Variants in MALSU1 observed in about 807,000 individuals in gnomAD.
The protein encoded by MALSU1 is mitochondrial assembly of ribosomal large subunit protein 1.
Under a neutral mutation model 22.1 loss-of-function variants are expected in MALSU1, and 22 were observed. The observed-to-expected ratio is 1.00, with a 90% CI of 0.71 to 1.42. MALSU1 has a LOEUF of 1.42. Among genes scored for constraint, MALSU1 ranks in the 40% most tolerant of loss-of-function variants. The probability of loss-of-function intolerance (pLI) is 0.00; values close to 1 mark genes in which losing one functional copy is unlikely to be tolerated. For synonymous variants in MALSU1, 153 were observed against 118.5 expected (o/e 1.29, Z -1.89); for missense variants, 379 against 308.3 (o/e 1.23, Z -1.72).
intron 2 of MALSU1, 73 bp from the exon 3 acceptor site, chr7:23,307,795 A>C (rs75165012): frequency 0.02 from 19,143 of 944,174 alleles, 366 homozygotes; most frequent in East Asian, 0.037. Flanking sequence ...AACAAACAAA[A>C]AAAAAAGACC....
In MALSU1 at chr7:23,309,468, A is replaced by G. The variant is rs762569434; in HGVS notation, c.630A>G (p.Thr210=). ...AGTTAGCTCAGATAGCACCTGAGAC[A>G]GTACCTGAAGACTTCATTCTTGGAA... ...DDQLAQIAPE[T]VPEDFILGIE... The change falls in exon 4 of 4, where the codon ACA becomes ACG. Residue 210 remains threonine, a synonymous_variant. Transcript: ENST00000466681. The G allele has an allele frequency of 1.2e-6, 2 of 1,613,586 alleles. No individual in the cohort carries two copies. Among genetic ancestry groups the G allele is most frequent in the South Asian group, 1.1e-5 (1 of 91,012 alleles).
chr7:23,304,191 TTC>T (rs1457592161), intron 2 of MALSU1, among the ~76,000 whole-genome samples: 1 of 152,148 alleles, frequency 6.6e-6, no homozygotes, highest in Non-Finnish European at 1.5e-5. Flanking sequence ...CATATAGTGA[TTC>T]TGTTTTTAAT....
At chr7:23,308,397 G>T (rs925943214) in intron 3 of MALSU1, among the ~76,000 whole-genome samples, 2 of 152,134 alleles carry the variant, frequency 1.3e-5, no homozygotes, top group African/African-American at 4.8e-5. Context: ...ACAACTTTGG[G>T]TATTAATGTG....
chr7:23,299,544 G>A lies in MALSU1; in HGVS notation c.192G>A (p.Glu64=), dbSNP rs138427455. The A allele has an allele frequency of 8.1e-6, 13 of 1,611,886 alleles. No individual in the cohort carries two copies. The highest frequency in any genetic ancestry group is 6.7e-5 in the African/African-American group (5 of 74,862). ...TPNFVRGLHS[E]PGLEERAEGT... ...ACTTTGTCCGCGGCCTGCACAGCGAGCCTGGGCTGGAGGAGCGGGCGGAGG... is the reference window on the plus strand; with the variant it reads ...ACTTTGTCCGCGGCCTGCACAGCGAACCTGGGCTGGAGGAGCGGGCGGAGG... The change falls in exon 1 of 4, where the codon GAG becomes GAA. Residue 64 remains glutamate (E), a synonymous_variant. Transcript: ENST00000466681.
rs1783788859 is a variant in MALSU1 at position 23,310,061 on chromosome 7, T to G, written c.*518T>G. On this transcript the variant is annotated 3_prime_UTR_variant, in exon 4 of 4. Coordinates refer to ENST00000466681, the MANE Select transcript of MALSU1 (RefSeq NM_138446.2). ...GGAAAAACTCTGAACGCTCTAGTTC[T>G]TAGTTCATATGCAAGAGTATTATCA... The G allele has an allele frequency of 6.6e-6, 1 of 152,190 alleles. No individual in the cohort carries two copies. The highest frequency in any genetic ancestry group is 2.4e-5 in the African/African-American group (1 of 41,432). 9.4% of individuals were successfully genotyped at this position (152,190 alleles called of 1,614,324 possible).
In MALSU1 at chr7:23,311,258, TGTA is replaced by T. The variant is rs1230735352; in HGVS notation, c.*1718_*1720del. On this transcript the variant is annotated 3_prime_UTR_variant, in exon 4 of 4. Coordinates refer to ENST00000466681, the MANE Select transcript of MALSU1 (RefSeq NM_138446.2). ...CTATGACTGTCCCATTGGTCTGAAG[TGTA>T]GTGGCAAACTAAGCATCCTATAAGA... 3 of 152,430 alleles carry T rather than the reference TGTA, an allele frequency of 2.0e-5. No individual in the cohort carries two copies. The highest frequency in any genetic ancestry group is 2.9e-5 in the Non-Finnish European group (2 of 68,024). The allele number at this position is 152,430 out of a possible 1,614,324, so 9.4% of individuals were successfully genotyped here.
intron 2 of MALSU1, among the ~76,000 whole-genome samples, chr7:23,303,810 A>G (rs573352360): frequency 8.5e-6 from 1 of 118,212 alleles, no homozygotes; most frequent in Admixed American, 9.4e-5. Flanking sequence ...CGCTGTCTCA[A>G]AAGAAAAAAA....
At position 23,309,654 on chromosome 7, in the gene MALSU1, G is replaced by A. The variant is rs1443599512; in HGVS notation, c.*111G>A. 2 of 825,756 alleles carry A rather than the reference G, an allele frequency of 2.4e-6. No individual in the cohort carries two copies. Among genetic ancestry groups the A allele is most frequent in the African/African-American group, 1.7e-5 (1 of 57,174 alleles). 51.2% of individuals were successfully genotyped at this position (825,756 alleles called of 1,614,324 possible). On this transcript the variant is annotated 3_prime_UTR_variant, in exon 4 of 4. Transcript: ENST00000466681. ...TTAGGCTGCTCTTAGGACAAGGCTTGTGTACCTCATGGGCACTCCTGCTAA... is the reference window on the plus strand; with the variant it reads ...TTAGGCTGCTCTTAGGACAAGGCTTATGTACCTCATGGGCACTCCTGCTAA...
At chr7:23,301,042 G>A in intron 2 of MALSU1, 25 bp downstream of exon 2, 1 of 1,597,104 alleles carries the variant, frequency 6.3e-7, no homozygotes, top group South Asian at 1.1e-5. Flanking sequence ...TTTCTCTTTT[G>A]GACCATTAAC....
In MALSU1 at chr7:23,299,462, T is replaced by C; in HGVS notation, c.110T>C (p.Leu37Pro). Reference protein sequence around the residue: ...AVGAEPGLRLLAVQRLPVGAA... With the variant: ...AVGAEPGLRLPAVQRLPVGAA... ...GGAGCCGAGCCCGGGCTTCGGCTGC[T>C]GGCCGTGCAGCGGCTTCCCGTAGGA... The change falls in exon 1 of 4, where the codon CTG becomes CCG. Residue 37 changes from leucine (L) to proline (P), a missense_variant. Transcript: ENST00000466681. The C allele has an allele frequency of 6.2e-7, 1 of 1,608,978 alleles. No homozygotes were observed. Among genetic ancestry groups the C allele is most frequent in the Non-Finnish European group, 8.5e-7 (1 of 1,179,470 alleles).
At position 23,309,339 on chromosome 7, in the gene MALSU1, T is replaced by G. The variant is rs1783771495; in HGVS notation, c.518-17T>G. On this transcript the variant is annotated splice_polypyrimidine_tract_variant and intron_variant, in intron 3 of 3. Transcript: ENST00000466681. ...ATGAACTATTCCTTCATTGTATCTC[T>G]TATCTGTCCCTGACAGGCAGCATGG... The G allele has an allele frequency of 6.3e-7, 1 of 1,596,896 alleles. No individual in the cohort carries two copies. Among genetic ancestry groups the G allele is most frequent in the Non-Finnish European group, 8.5e-7 (1 of 1,173,196 alleles).
At chr7:23,308,448 A>G (rs181425908) in intron 3 of MALSU1, among the ~76,000 whole-genome samples, 1 of 152,346 alleles carries the variant, frequency 6.6e-6, no homozygotes. Context: ...TAATATTTAC[A>G]AAGGGGAAAC....
intron 1 of MALSU1, 55 bp from the exon 2 acceptor site, chr7:23,300,784 A>G: frequency 1.4e-6 from 2 of 1,465,682 alleles, no homozygotes; most frequent in Non-Finnish European, 1.9e-6. Flanking sequence ...CTCTGGGTGC[A>G]TACACGTCTA....
Position 23,307,875 on chromosome 7 carries a change from A to C in MALSU1, c.443A>C (p.His148Pro), listed in dbSNP as rs768330491. 15 of 1,613,340 alleles carry C rather than the reference A, an allele frequency of 9.3e-6. No individual in the cohort carries two copies. In the Admixed American group the frequency reaches 2.5e-4, roughly 27 times the overall value. ...MAFYVVKMYK[H>P]LKCKRDPHVK... ...CCACCTGGCTTTTTGCAGTACAAAC[A>C]CCTGAAATGTAAACGTGACCCTCAT... The change falls in exon 3 of 4, where the codon CAC becomes CCC. Residue 148 changes from histidine (H) to proline (P), a missense_variant. His to Pro is a moderately conservative substitution (Grantham distance 77). Coordinates refer to ENST00000466681, the MANE Select transcript of MALSU1 (RefSeq NM_138446.2).
In MALSU1 at chr7:23,309,399, CTA is replaced by C; in HGVS notation, c.563_564del (p.Tyr188Ter). 6.2e-7 allele frequency: 1 copy of C among 1,613,140 alleles called. No homozygotes were observed. Among genetic ancestry groups the C allele is most frequent in the Non-Finnish European group, 8.5e-7 (1 of 1,179,682 alleles). On this transcript the variant is annotated frameshift_variant, in exon 4 of 4. Coordinates refer to ENST00000466681, the MANE Select transcript of MALSU1 (RefSeq NM_138446.2). LOFTEE classifies it high-confidence loss of function. ...TGATGCTTCCAGAAACCAGAGAAAT[CTA>C]TGAATTAGAGAAATTATGGACCCTA... ...HLMLPETREIYELEKLWTLRS... is the reference protein window; with the variant it reads ...HLMLPETREIXELEKLWTLRS...
chr7:23,310,590 A>C lies in MALSU1; in HGVS notation c.*1047A>C, dbSNP rs1200146317. 1 of 152,224 alleles carries C rather than the reference A, an allele frequency of 6.6e-6. No homozygotes were observed. The highest frequency in any genetic ancestry group is 1.9e-4 in the East Asian group (1 of 5,204). The allele number at this position is 152,224 out of a possible 1,614,324, so 9.4% of individuals were successfully genotyped here. A position where few individuals can be genotyped will look rare whatever the true frequency, so the allele number is the denominator to read the frequency against. ...TCCATGATTTTAGCAATTTTAATTC[A>C]TTGTATGAAAAAAAAATCATGAATG... On this transcript the variant is annotated 3_prime_UTR_variant, in exon 4 of 4. Transcript: ENST00000466681.
At chr7:23,309,058 G>T (rs983235484) in intron 3 of MALSU1, among the ~76,000 whole-genome samples, 3 of 152,346 alleles carry the variant, frequency 2.0e-5, no homozygotes, top group Non-Finnish European at 2.9e-5. Context: ...ATGTGCAGAA[G>T]TGTGTTACCC....
chr7:23,305,393 A>AT (rs571160861), intron 2 of MALSU1, among the ~76,000 whole-genome samples: 4,955 of 141,422 alleles, frequency 0.035, 224 homozygotes, highest in African/African-American at 0.11. Flanking sequence ...AGTCCATATA[A>AT]TTTTTTTTTT....
At chr7:23,299,710 G>A (rs930977355) in intron 1 of MALSU1, 102 bp downstream of exon 1, 1 of 1,343,192 alleles carries the variant, frequency 7.4e-7, no homozygotes, top group South Asian at 1.5e-5. Context: ...ATTTCTCTTG[G>A]AGTCACAAAA....
Sources: gnomAD v4.1 joint callset for allele counts (sites outside exome capture counted in the v4.1 genomes callset) on GRCh38, gnomAD v4.1.1 for gene constraint, MANE v1.5 for transcripts, NCBI Gene and HGNC (gene_info 2026-07-23, HGNC 2026-07-21) for gene names.